Variants in PLB1 observed in about 807,000 individuals in gnomAD.
PLB1 encodes the protein phospholipase B1, membrane-associated.
In PLB1, 242 loss-of-function variants were observed where a neutral mutation model predicts 227.4. That is an observed-to-expected ratio of 1.06 (90% confidence interval 0.96 to 1.18). The LOEUF (loss-of-function observed/expected upper bound fraction) is 1.18. Ranked by LOEUF, PLB1 falls within the 50% of genes most tolerant of loss-of-function variation. PLB1 has a pLI of 0.00. For missense variants in PLB1, 1,858 were observed against 1,816.3 expected (o/e 1.02, Z -0.42); for synonymous variants, 757 against 682.2 (o/e 1.11, Z -1.71).
chr2:28,524,961 C>T (rs1670035646), intron 4 of PLB1, among the ~76,000 whole-genome samples: 1 of 151,508 alleles, frequency 6.6e-6, no homozygotes, highest in African/African-American at 2.4e-5. Context: ...GATTCTCCTG[C>T]CTCAGCCTCC....
At chr2:28,555,008 C>T (rs531770533) in intron 17 of PLB1, among the ~76,000 whole-genome samples, 2 of 152,246 alleles carry the variant, frequency 1.3e-5, no homozygotes, top group East Asian at 3.9e-4. Flanking sequence ...ACTCGCTCTC[C>T]ACCTGGAATC....
intron 1 of PLB1, among the ~76,000 whole-genome samples, chr2:28,516,130 A>G (rs1321849641): frequency 6.6e-6 from 1 of 152,140 alleles, no homozygotes; most frequent in East Asian, 1.9e-4. Flanking sequence ...GGGAAAACTT[A>G]TCTACGTGTA....
intron 43 of PLB1, 55 bp from the exon 44 acceptor site, chr2:28,613,976 C>T (rs1037496705): frequency 4.1e-6 from 6 of 1,453,478 alleles, no homozygotes; most frequent in Non-Finnish European, 3.9e-6. Context: ...TTCTCCTTCT[C>T]AAGCAAACTT....
At chr2:28,599,875 A>C (rs1482247052) in intron 35 of PLB1, among the ~76,000 whole-genome samples, 1 of 152,040 alleles carries the variant, frequency 6.6e-6, no homozygotes, top group Admixed American at 6.5e-5. Flanking sequence ...TTGCCTCCCA[A>C]AGTACTTGGA....
intron 18 of PLB1, 61 bp from the exon 19 acceptor site, chr2:28,565,219 T>G (rs1022144059): frequency 9.6e-6 from 14 of 1,453,390 alleles, no homozygotes; most frequent in Non-Finnish European, 1.3e-5. Flanking sequence ...TTTTGGCAGG[T>G]AGGCAGAGGT....
chr2:28,597,787 A>G (rs1254768075), intron 33 of PLB1, among the ~76,000 whole-genome samples: 1 of 152,214 alleles, frequency 6.6e-6, no homozygotes, highest in Non-Finnish European at 1.5e-5. Flanking sequence ...GTAAAGAAAC[A>G]GCTCTCTCAT....
At chr2:28,530,280 G>A (rs949577668) in intron 8 of PLB1, among the ~76,000 whole-genome samples, 7 of 152,170 alleles carry the variant, frequency 4.6e-5, no homozygotes, top group African/African-American at 1.7e-4. Flanking sequence ...AGACTGGTTT[G>A]AGTTTGAATC....
intron 57 of PLB1, among the ~76,000 whole-genome samples, 189 bp downstream of exon 57, chr2:28,641,190 A>G (rs1452187765): frequency 6.6e-6 from 1 of 152,116 alleles, no homozygotes; most frequent in Non-Finnish European, 1.5e-5. Context: ...CCATGGAGGG[A>G]GGGGAGAGGA....
In PLB1 at chr2:28,608,131, A is replaced by G. The variant is rs78569826; in HGVS notation, c.3129+1564A>G. On this transcript the variant is annotated intron_variant, in intron 43 of 57. Transcript: ENST00000327757. ...CAATGGAGCCACTGCACTGATTTGC[A>G]GAGGTGAGCAGATCCAGCCTCGTGG... 9.7e-4 allele frequency among the ~76,000 whole-genome samples: 148 copies of G among 152,308 alleles called. 1 individual carries two copies. The highest frequency in any genetic ancestry group is 3.4e-3 in the African/African-American group (140 of 41,582).
chr2:28,572,730 C>T (rs930490634), intron 20 of PLB1, among the ~76,000 whole-genome samples: 36 of 152,226 alleles, frequency 2.4e-4, no homozygotes, highest in African/African-American at 7.0e-4. Context: ...AGTAGATCCA[C>T]GATTGCCACA....
chr2:28,575,892 C>CTT (rs778890125), intron 21 of PLB1, among the ~76,000 whole-genome samples: 18 of 152,118 alleles, frequency 1.2e-4, no homozygotes, highest in Admixed American at 8.5e-4. Context: ...CTTTCTTTTC[C>CTT]TTTTGATGGG....
At chr2:28,603,866 GA>G in intron 39 of PLB1, 99 bp from the exon 40 acceptor site, 1 of 1,100,168 alleles carries the variant, frequency 9.1e-7, no homozygotes, top group Non-Finnish European at 1.4e-6. Context: ...ACCAGGGCGG[GA>G]GGGAGCCTCT....
intron 14 of PLB1, among the ~76,000 whole-genome samples, chr2:28,546,351 G>A (rs1198845839): frequency 3.9e-5 from 6 of 152,300 alleles, no homozygotes; most frequent in Admixed American, 2.0e-4. Context: ...ACCAGGTGCC[G>A]AAGCCACAGG....
chr2:28,576,692 T>C, intron 21 of PLB1, among the ~76,000 whole-genome samples: 1 of 152,138 alleles, frequency 6.6e-6, no homozygotes, highest in Non-Finnish European at 1.5e-5. Flanking sequence ...ATCACGCCAT[T>C]GCACTACAAC....
At chr2:28,540,247 C>A in intron 11 of PLB1, 119 bp from the exon 12 acceptor site, 2 of 764,518 alleles carry the variant, frequency 2.6e-6, no homozygotes, top group Non-Finnish European at 4.5e-6. Flanking sequence ...TATGCTTCTT[C>A]ATCCCTACTC....
At chr2:28,531,781 T>C (rs1004756609) in intron 8 of PLB1, among the ~76,000 whole-genome samples, 2 of 152,226 alleles carry the variant, frequency 1.3e-5, no homozygotes, top group African/African-American at 4.8e-5. Flanking sequence ...AGTTTTTCCT[T>C]CTTATGCATA....
At chr2:28,604,110 A>G in intron 40 of PLB1, 63 bp downstream of exon 40, 1 of 1,458,606 alleles carries the variant, frequency 6.9e-7, no homozygotes, top group Non-Finnish European at 9.6e-7. Flanking sequence ...CACACAGCCC[A>G]GAGCCCCTAG....
intron 15 of PLB1, among the ~76,000 whole-genome samples, chr2:28,549,561 A>G (rs1382855694): frequency 6.6e-6 from 1 of 151,834 alleles, no homozygotes; most frequent in East Asian, 1.9e-4. Context: ...GACTACAGGC[A>G]CGTGCCACCA....
Position 28,525,912 on chromosome 2 carries a change from A to T in PLB1, c.292A>T (p.Arg98Trp). ...GCCTGCTTCTACCTGCAGGACTGAA[A>T]GGCCACAGCAGGTGTGCATGGGAGT... is the stretch of plus-strand genomic sequence containing the variant. ...GDLEKQDWTE[R>W]PQQVCMGVMT... The change falls in exon 6 of 58, where the codon AGG becomes TGG. Residue 98 changes from arginine to tryptophan, a missense_variant. By Grantham distance (101) the Arg-to-Trp change is moderately radical (BLOSUM62 -3). Coordinates refer to ENST00000327757, the MANE Select transcript of PLB1 (RefSeq NM_153021.5). The T allele has an allele frequency of 6.2e-7, 1 of 1,614,048 alleles. No individual in the cohort carries two copies. The highest frequency in any genetic ancestry group is 8.5e-7 in the Non-Finnish European group (1 of 1,179,984).
Sources: allele counts gnomAD v4.1 joint callset (sites outside exome capture counted in the v4.1 genomes callset), GRCh38; gene constraint gnomAD v4.1.1; transcripts MANE v1.5; gene names NCBI Gene and HGNC (gene_info 2026-07-23, HGNC 2026-07-21).